The following ADAM10 variants were observed in gnomAD, a reference collection of about 807,000 sequenced individuals.
The protein encoded by ADAM10 is disintegrin and metalloproteinase domain-containing protein 10.
In ADAM10, 17 loss-of-function variants were observed where a neutral mutation model predicts 90.1. The observed-to-expected ratio is 0.19, with a 90% confidence interval of 0.13 to 0.28. ADAM10 has a LOEUF of 0.28. ADAM10 is among the 10% of genes least tolerant of loss of function. The pLI, the probability that ADAM10 is intolerant of heterozygous loss-of-function variation, is 1.00. For synonymous variants in ADAM10, 310 were observed against 298.6 expected, an observed-to-expected ratio of 1.04 and a Z score of -0.40; for missense variants, 610 against 914.3, an observed-to-expected ratio of 0.67 and a Z score of 4.29.
chr15:58,685,059 G>GT (rs2140759696), intron 2 of ADAM10, among the ~76,000 whole-genome samples: 2 of 150,342 alleles, frequency 1.3e-5, no homozygotes, highest in African/African-American at 4.9e-5. Context: ...GTACATAATC[G>GT]TATTTATGGG....
At chr15:58,655,678 A>AC (rs1566982198) in intron 5 of ADAM10, among the ~76,000 whole-genome samples, 1 of 103,914 alleles carries the variant, frequency 9.6e-6, no homozygotes, top group African/African-American at 4.9e-5. Context: ...ACATACATAC[A>AC]TATATATATT....
chr15:58,675,567 T>C (rs1897289396), intron 4 of ADAM10, among the ~76,000 whole-genome samples: 1 of 152,216 alleles, frequency 6.6e-6, no homozygotes. Context: ...ACCTTGTCAT[T>C]AACTGTTCAC....
At chr15:58,727,433 T>C (rs1355822092) in intron 1 of ADAM10, among the ~76,000 whole-genome samples, 1 of 151,968 alleles carries the variant, frequency 6.6e-6, no homozygotes, top group East Asian at 1.9e-4. Flanking sequence ...TCAAGTGATC[T>C]AACCACCTCG....
chr15:58,634,040 G>C (rs1438204914), intron 8 of ADAM10, among the ~76,000 whole-genome samples: 1 of 152,046 alleles, frequency 6.6e-6, no homozygotes, highest in Non-Finnish European at 1.5e-5. Context: ...GCTGAGCGCA[G>C]TGGCTCACGC....
chr15:58,666,651 G>T (rs1455517694), intron 4 of ADAM10, among the ~76,000 whole-genome samples: 1 of 151,684 alleles, frequency 6.6e-6, no homozygotes, highest in Non-Finnish European at 1.5e-5. Flanking sequence ...CTTACCATTG[G>T]TTATTAATGT....
intron 8 of ADAM10, among the ~76,000 whole-genome samples, chr15:58,636,102 C>T (rs1896242813): frequency 1.3e-5 from 2 of 152,036 alleles, no homozygotes; most frequent in African/African-American, 4.8e-5. Context: ...CATGTTGAAA[C>T]CTCATCTTTA....
chr15:58,669,240 A>C (rs1413533498), intron 4 of ADAM10, among the ~76,000 whole-genome samples: 5 of 152,184 alleles, frequency 3.3e-5, no homozygotes, highest in African/African-American at 1.2e-4. Context: ...CCAAGTGTTA[A>C]GGTCTCCCGG....
Position 58,591,416 on chromosome 15 carries a change from T to C in ADAM10, c.*6131A>G, listed in dbSNP as rs188156015. Reference sequence around the variant, plus strand: ...TGAATCAGCTTCTATAGGAATTTGATTCACATTTAAAACACTTTTTTTTTT... The same window carrying C: ...TGAATCAGCTTCTATAGGAATTTGACTCACATTTAAAACACTTTTTTTTTT... On this transcript the variant is annotated 3_prime_UTR_variant, in exon 16 of 16. Transcript: ENST00000260408. 41 of 152,328 alleles carry C rather than the reference T, an allele frequency of 2.7e-4. No individual in the cohort carries two copies. Among genetic ancestry groups the C allele is most frequent in the African/African-American group, 9.4e-4 (39 of 41,574 alleles). The allele number at this position is 152,328 out of a possible 1,614,324, so 9.4% of individuals were successfully genotyped here.
rs903745822 is a variant in ADAM10 at position 58,648,612 on chromosome 15, T to A, written c.586-2408A>T. On this transcript the variant is annotated intron_variant, in intron 5 of 15. Coordinates refer to ENST00000260408, the MANE Select transcript of ADAM10 (RefSeq NM_001110.4). ...AGCAGAAAAAAATAACATAAAGGTG[T>A]TCAAGTTTATTATATCAAGTAGTTC... Among the ~76,000 whole-genome samples, 3 of 152,098 alleles carry A rather than the reference T, an allele frequency of 2.0e-5. No individual in the cohort carries two copies. The South Asian group carries it at 6.2e-4, about 32-fold the overall frequency.
intron 3 of ADAM10, among the ~76,000 whole-genome samples, chr15:58,679,681 G>A (rs1349394762): frequency 6.6e-6 from 1 of 152,152 alleles, no homozygotes; most frequent in Non-Finnish European, 1.5e-5. Flanking sequence ...GAGGTGGGCA[G>A]ATCACTCGAG....
At chr15:58,745,035 T>C (rs187937255) in intron 1 of ADAM10, among the ~76,000 whole-genome samples, 15 of 152,202 alleles carry the variant, frequency 9.9e-5, no homozygotes, top group South Asian at 2.1e-4. Flanking sequence ...ATACAAAAAT[T>C]AGCCAGGCGT....
At chr15:58,616,399 C>A (rs1895616243) in intron 11 of ADAM10, among the ~76,000 whole-genome samples, 1 of 152,194 alleles carries the variant, frequency 6.6e-6, no homozygotes, top group Non-Finnish European at 1.5e-5. Context: ...CAATTATCAA[C>A]AGATGTTCAA....
intron 2 of ADAM10, among the ~76,000 whole-genome samples, chr15:58,697,939 C>T (rs1342794582): frequency 2.6e-5 from 4 of 152,156 alleles, no homozygotes; most frequent in African/African-American, 9.7e-5. Context: ...ATAATTTATA[C>T]GGAGACTACA....
In ADAM10 at chr15:58,621,575, T is replaced by C; in HGVS notation, c.1407A>G (p.Glu469=). 1 of 1,614,138 alleles carries C rather than the reference T, an allele frequency of 6.2e-7. No homozygotes were observed. Among genetic ancestry groups the C allele is most frequent in the Non-Finnish European group, 8.5e-7 (1 of 1,180,026 alleles). The change falls in exon 11 of 16, where the codon GAA becomes GAG. Residue 469 remains glutamate, a synonymous_variant. Transcript: ENST00000260408. ...GGTCACTATAGCCACAATCACATTC[T>C]TCACCTTGTTCTACCATTCCATTTC... ...ICGNGMVEQG[E]ECDCGYSDQC...
chr15:58,659,140 G>A (rs1169356031), intron 5 of ADAM10, among the ~76,000 whole-genome samples: 2 of 152,014 alleles, frequency 1.3e-5, no homozygotes, highest in Non-Finnish European at 2.9e-5. Flanking sequence ...GGGCGTGGTG[G>A]TGCGCACCTG....
chr15:58,749,200 C>G (rs536997667), intron 1 of ADAM10, among the ~76,000 whole-genome samples: 2 of 152,202 alleles, frequency 1.3e-5, no homozygotes, highest in East Asian at 3.9e-4. Context: ...CCCGACTTCG[C>G]TTCTCTGGGA....
At chr15:58,673,238 A>C (rs544864135) in intron 4 of ADAM10, among the ~76,000 whole-genome samples, 5 of 152,188 alleles carry the variant, frequency 3.3e-5, no homozygotes, top group Admixed American at 6.5e-5. Flanking sequence ...TGAGAGCTGT[A>C]AGCCAGCATG....
At chr15:58,650,906 C>G (rs1054087056) in intron 5 of ADAM10, among the ~76,000 whole-genome samples, 4 of 151,980 alleles carry the variant, frequency 2.6e-5, no homozygotes, top group African/African-American at 9.7e-5. Context: ...AAATTTTATA[C>G]AAAGTTTATA....
intron 9 of ADAM10, among the ~76,000 whole-genome samples, chr15:58,630,189 C>A (rs928903547): frequency 6.6e-6 from 1 of 152,092 alleles, no homozygotes; most frequent in Non-Finnish European, 1.5e-5. Flanking sequence ...TACTGTAGGG[C>A]CATCTAGGCT....
Sources: gnomAD v4.1 joint callset for allele counts (sites outside exome capture counted in the v4.1 genomes callset) on GRCh38, gnomAD v4.1.1 for gene constraint, MANE v1.5 for transcripts, NCBI Gene and HGNC (gene_info 2026-07-23, HGNC 2026-07-21) for gene names.